The following TBC1D30 variants were observed in gnomAD, a reference collection of about 807,000 sequenced individuals.
TBC1D30 encodes TBC1 domain family, member 30.
Under a neutral mutation model 63.2 loss-of-function variants are expected in TBC1D30, and 31 were observed. The observed-to-expected ratio is 0.49, with a 90% CI of 0.37 to 0.66. The LOEUF (loss-of-function observed/expected upper bound fraction) is 0.66, where lower values mean the gene tolerates loss of function less well. TBC1D30 is among the 30% of genes least tolerant of loss of function. The pLI, the probability that TBC1D30 is intolerant of heterozygous loss-of-function variation, is 0.00. For missense variants in TBC1D30, 810 were observed against 953.6 expected (o/e 0.85, Z 1.98); for synonymous variants, 307 against 361.5 (o/e 0.85, Z 1.71).
intron 2 of TBC1D30, among the ~76,000 whole-genome samples, chr12:64,803,625 G>A (rs530379354): frequency 6.6e-6 from 1 of 152,258 alleles, no homozygotes; most frequent in South Asian, 2.1e-4. Context: ...GGTTTTTATG[G>A]TTTTAGGTCT....
At chr12:64,856,893 G>C (rs576446289) in intron 8 of TBC1D30, among the ~76,000 whole-genome samples, 1 of 152,120 alleles carries the variant, frequency 6.6e-6, no homozygotes, top group Non-Finnish European at 1.5e-5. Flanking sequence ...TCCATAGGGG[G>C]TTCTGCTGGG....
At chr12:64,787,394 T>C in intron 2 of TBC1D30, 1 of 984,816 alleles carries the variant, frequency 1.0e-6, no homozygotes, top group African/African-American at 1.7e-5. Context: ...ATGGTAAATA[T>C]AGGTACAATG....
intron 1 of TBC1D30, among the ~76,000 whole-genome samples, chr12:64,769,331 G>T (rs1011432002): frequency 4.6e-5 from 7 of 151,420 alleles, no homozygotes; most frequent in African/African-American, 1.7e-4. Flanking sequence ...TCAGCCTCCT[G>T]AGTAGCTGGG....
At chr12:64,809,122 T>C (rs1230138402) in intron 2 of TBC1D30, among the ~76,000 whole-genome samples, 3 of 152,160 alleles carry the variant, frequency 2.0e-5, no homozygotes, top group Admixed American at 2.0e-4. Flanking sequence ...ATTTAAATAG[T>C]TTTTGGGGAA....
At chr12:64,780,814 C>A in exon 1 of TBC1D30, 1 of 994,932 alleles carries the variant, frequency 1.0e-6, no homozygotes, top group Non-Finnish European at 1.2e-6. Context: ...GGACCATGGA[C>A]GTCCTTCCCA....
rs542563328 is a variant in TBC1D30, at chr12:64,846,201, C to T, written c.1038+2716C>T. Among the ~76,000 whole-genome samples, 5 of 151,936 alleles carry T rather than the reference C, an allele frequency of 3.3e-5. No homozygotes were observed. In the South Asian group the frequency reaches 6.2e-4, roughly 19 times the overall value. On this transcript the variant is annotated intron_variant, in intron 8 of 11. Coordinates refer to ENST00000539867, the MANE Select transcript of TBC1D30 (RefSeq NM_015279.2). ...TCTTTGCTGTGCAGGAGCTTTTTAACTTTATATGATCCCATTTGTCCATTT... is the reference window on the plus strand; with the variant it reads ...TCTTTGCTGTGCAGGAGCTTTTTAATTTTATATGATCCCATTTGTCCATTT...
rs1874616420 is a variant in TBC1D30 at position 64,829,071 on chromosome 12, G to A, written c.282+562G>A. ...AAAGGGGGAAGCAATAGGTGAGGGG[G>A]TCATAGAGGTAATGTGGTGGGTTGA... On this transcript the variant is annotated intron_variant, in intron 3 of 11. Transcript: ENST00000539867. Among the ~76,000 whole-genome samples, 5 of 152,110 alleles carry A rather than the reference G, an allele frequency of 3.3e-5. No homozygotes were observed. The South Asian group carries it at 1.0e-3, about 31-fold the overall frequency.
At chr12:64,832,814 G>A (rs73325465) in intron 5 of TBC1D30, among the ~76,000 whole-genome samples, 61 of 152,286 alleles carry the variant, frequency 4.0e-4, no homozygotes, top group African/African-American at 1.4e-3. Flanking sequence ...ATGGTTCCTT[G>A]CTGGCTGTTG....
chr12:64,808,550 G>A (rs1228098971), intron 2 of TBC1D30, among the ~76,000 whole-genome samples: 1 of 152,094 alleles, frequency 6.6e-6, no homozygotes, highest in African/African-American at 2.4e-5. Context: ...GTATCTCTCT[G>A]GCTTTTCTAA....
intron 1 of TBC1D30, among the ~76,000 whole-genome samples, chr12:64,762,258 A>G (rs926316989): frequency 5.9e-5 from 9 of 152,146 alleles, no homozygotes; most frequent in African/African-American, 2.2e-4. Context: ...GCAGAGGGAG[A>G]GAGGTGGTGA....
At chr12:64,833,452 C>T (rs762375681) in intron 5 of TBC1D30, among the ~76,000 whole-genome samples, 1 of 152,150 alleles carries the variant, frequency 6.6e-6, no homozygotes, top group South Asian at 2.1e-4. Context: ...ATATTTGAAC[C>T]TTTAAACTGC....
intron 2 of TBC1D30, among the ~76,000 whole-genome samples, chr12:64,793,197 G>T (rs1484039377): frequency 6.6e-6 from 1 of 151,920 alleles, no homozygotes; most frequent in Non-Finnish European, 1.5e-5. Context: ...ACAAAAATTC[G>T]CTGGGCGTTG....
upstream of TBC1D30, among the ~76,000 whole-genome samples, chr12:64,822,595 C>T (rs1197249737): frequency 1.3e-5 from 2 of 151,928 alleles, no homozygotes; most frequent in Non-Finnish European, 2.9e-5. Flanking sequence ...CCTCCCTGGC[C>T]TCAGGTGATC....
chr12:64,764,631 G>T (rs577590482), intron 1 of TBC1D30, among the ~76,000 whole-genome samples: 1 of 152,346 alleles, frequency 6.6e-6, no homozygotes, highest in African/African-American at 2.4e-5. Flanking sequence ...TTCTGAACCA[G>T]AGAGCAGGAA....
intron 1 of TBC1D30, among the ~76,000 whole-genome samples, chr12:64,765,867 C>T (rs1404982183): frequency 6.6e-6 from 1 of 150,804 alleles, no homozygotes; most frequent in African/African-American, 2.4e-5. Flanking sequence ...ACAAAATTAG[C>T]TGGGCTTGGT....
intron 5 of TBC1D30, among the ~76,000 whole-genome samples, chr12:64,835,819 G>A (rs17100718): frequency 6.6e-6 from 1 of 152,256 alleles, no homozygotes; most frequent in Non-Finnish European, 1.5e-5. Context: ...GTATGTGTTT[G>A]GCTGGGTCAT....
rs904819386 is a variant in TBC1D30, at chr12:64,858,328, C to T, written c.1039-6340C>T. Among the ~76,000 whole-genome samples, 8 of 152,158 alleles carry T rather than the reference C, an allele frequency of 5.3e-5. No individual in the cohort carries two copies. In the East Asian group the frequency reaches 7.7e-4, roughly 15 times the overall value. On this transcript the variant is annotated intron_variant, in intron 8 of 11. Coordinates refer to ENST00000539867, the MANE Select transcript of TBC1D30 (RefSeq NM_015279.2). ...AGATGATGGCTGTCTTTCTAGATTC[C>T]GTCTGCTCTAATACAGAATGAGTCT...
intron 2 of TBC1D30, among the ~76,000 whole-genome samples, 171 bp downstream of exon 2, chr12:64,828,067 T>G (rs1163157424): frequency 6.6e-6 from 1 of 152,236 alleles, no homozygotes; most frequent in Non-Finnish European, 1.5e-5. Context: ...GGTTTATATT[T>G]GCAGTGACAA....
Position 64,875,608 on chromosome 12 carries a change from C to T in TBC1D30, c.2106C>T (p.Ser702=). ...CCACCAGCAAAGCTCCCCAAGGCAG[C>T]AACTCAAAAACCCCCATCTTTAGCC... is the stretch of plus-strand genomic sequence containing the variant. ...NKATSKAPQG[S]NSKTPIFSPF... The change falls in exon 12 of 12, where the codon AGC becomes AGT. Residue 702 remains serine, a synonymous_variant. Transcript: ENST00000539867. The T allele has an allele frequency of 1.3e-6, 2 of 1,536,208 alleles. No homozygotes were observed. The highest frequency in any genetic ancestry group is 1.2e-5 in the South Asian group (1 of 84,062).
Sources: allele counts gnomAD v4.1 joint callset (sites outside exome capture counted in the v4.1 genomes callset), GRCh38; gene constraint gnomAD v4.1.1; transcripts MANE v1.5; gene names NCBI Gene and HGNC (gene_info 2026-07-23, HGNC 2026-07-21).